Variants in XYLT1 observed in about 807,000 individuals in gnomAD.
The protein encoded by XYLT1 is xylosyltransferase 1.
In XYLT1, 36 loss-of-function variants were observed where a neutral mutation model predicts 91.3. The observed-to-expected ratio is 0.39, with a 90% CI of 0.30 to 0.52. The LOEUF (loss-of-function observed/expected upper bound fraction) is 0.52. Ranked by LOEUF, XYLT1 falls within the 20% of genes least tolerant of loss-of-function variation. The probability of loss-of-function intolerance (pLI) is 0.68; values close to 1 mark genes in which losing one functional copy is unlikely to be tolerated. For synonymous variants in XYLT1, 588 were observed against 532.0 expected, an observed-to-expected ratio of 1.11 and a Z score of -1.45; for missense variants, 1,242 against 1,284.5, an observed-to-expected ratio of 0.97 and a Z score of 0.51.
At chr16:17,335,908 C>G (rs1567380094) in intron 2 of XYLT1, among the ~76,000 whole-genome samples, 1 of 152,126 alleles carries the variant, frequency 6.6e-6, no homozygotes, top group Non-Finnish European at 1.5e-5. Context: ...GAAAAATAAA[C>G]AGAGAGCTAT....
intron 5 of XYLT1, among the ~76,000 whole-genome samples, chr16:17,192,036 C>G (rs2032320404): frequency 6.6e-6 from 1 of 151,878 alleles, no homozygotes; most frequent in East Asian, 1.9e-4. Context: ...TGATTTGCCC[C>G]AAGACACCGG....
intron 2 of XYLT1, among the ~76,000 whole-genome samples, chr16:17,297,140 A>C (rs913688168): frequency 2.0e-5 from 3 of 152,224 alleles, no homozygotes; most frequent in African/African-American, 7.2e-5. Context: ...GAGGTCTCAA[A>C]GGATAAAGCA....
intron 1 of XYLT1, among the ~76,000 whole-genome samples, chr16:17,370,432 G>A (rs1567396969): frequency 2.0e-5 from 3 of 152,222 alleles, no homozygotes; most frequent in African/African-American, 7.2e-5. Flanking sequence ...GTATTCAGGA[G>A]AGTAAGTGTT....
At chr16:17,263,910 T>G (rs570650115) in intron 2 of XYLT1, among the ~76,000 whole-genome samples, 2 of 152,240 alleles carry the variant, frequency 1.3e-5, no homozygotes, top group African/African-American at 4.8e-5. Context: ...GTTTTCACCA[T>G]GTTGGCCAGG....
At chr16:17,173,956 T>A (rs2031884282) in intron 5 of XYLT1, among the ~76,000 whole-genome samples, 1 of 152,146 alleles carries the variant, frequency 6.6e-6, no homozygotes, top group Admixed American at 6.5e-5. Flanking sequence ...CCTTGTTTTT[T>A]ATTTGGCTCT....
In XYLT1 at chr16:17,178,167, T is replaced by A. The variant is rs181802946; in HGVS notation, c.1290-19258A>T. On this transcript the variant is annotated intron_variant, in intron 5 of 11. Transcript: ENST00000261381. ...ACTGTCTGTGTGCAAACTGCCTGTC[T>A]CCTCTCGGCCGCCCCTGGTCAGGCA... is the stretch of plus-strand genomic sequence containing the variant. Among the ~76,000 whole-genome samples the A allele has an allele frequency of 2.0e-3, 304 of 152,200 alleles. 1 individual carries two copies. Among genetic ancestry groups the A allele is most frequent in the African/African-American group, 7.1e-3 (295 of 41,504 alleles).
chr16:17,209,640 C>T (rs1333664384), intron 3 of XYLT1, among the ~76,000 whole-genome samples: 2 of 152,192 alleles, frequency 1.3e-5, no homozygotes, highest in African/African-American at 4.8e-5. Flanking sequence ...CCCAGCCCTA[C>T]CATTTATTAG....
chr16:17,365,116 A>C (rs1400747580), intron 1 of XYLT1, among the ~76,000 whole-genome samples: 1 of 152,120 alleles, frequency 6.6e-6, no homozygotes, highest in Non-Finnish European at 1.5e-5. Context: ...ACCCCCAAGA[A>C]ATTTCCAGGA....
chr16:17,367,993 C>A (rs1023416982), intron 1 of XYLT1, among the ~76,000 whole-genome samples: 2 of 152,196 alleles, frequency 1.3e-5, no homozygotes, highest in Admixed American at 1.3e-4. Context: ...CCCTGCTTTT[C>A]TTCACTTCCT....
chr16:17,118,441 GATC>G (rs1160223341), intron 10 of XYLT1, among the ~76,000 whole-genome samples: 1 of 152,126 alleles, frequency 6.6e-6, no homozygotes, highest in Non-Finnish European at 1.5e-5. Flanking sequence ...CAAGAATAGA[GATC>G]ATGTTTTTAC....
At chr16:17,169,179 G>A (rs28653119) in intron 5 of XYLT1, among the ~76,000 whole-genome samples, 53,853 of 151,980 alleles carry the variant, frequency 0.35, 9,970 homozygotes, top group South Asian at 0.52. Context: ...AGGTCCCTGT[G>A]ATATGAAGTG....
At chr16:17,223,773 A>C (rs1239605088) in intron 3 of XYLT1, among the ~76,000 whole-genome samples, 2 of 152,198 alleles carry the variant, frequency 1.3e-5, no homozygotes, top group Non-Finnish European at 2.9e-5. Flanking sequence ...GTTCCAATAA[A>C]ATTTGACTTA....
chr16:17,234,336 C>A (rs1199756792), intron 3 of XYLT1, among the ~76,000 whole-genome samples: 1 of 152,198 alleles, frequency 6.6e-6, no homozygotes, highest in Non-Finnish European at 1.5e-5. Context: ...TCTTGCAAAT[C>A]TCTGGGCCTA....
chr16:17,357,929 C>G (rs2035324210), intron 2 of XYLT1, 83 bp downstream of exon 2: 2 of 1,506,128 alleles, frequency 1.3e-6, no homozygotes, highest in African/African-American at 1.4e-5. Flanking sequence ...GCCTGTCCAG[C>G]CTTTCAGAGC....
chr16:17,339,247 T>C (rs1025314175), intron 2 of XYLT1, among the ~76,000 whole-genome samples: 2 of 152,220 alleles, frequency 1.3e-5, no homozygotes, highest in African/African-American at 4.8e-5. Flanking sequence ...GCTGATGAAC[T>C]TGTACATATT....
intron 2 of XYLT1, among the ~76,000 whole-genome samples, chr16:17,303,182 T>G (rs2034422687): frequency 6.6e-6 from 1 of 152,208 alleles, no homozygotes; most frequent in African/African-American, 2.4e-5. Context: ...ATGACGTGGT[T>G]CCTGCCCTCA....
chr16:17,283,096 C>T (rs897625714), intron 2 of XYLT1, among the ~76,000 whole-genome samples: 2 of 152,010 alleles, frequency 1.3e-5, no homozygotes, highest in East Asian at 1.9e-4. Flanking sequence ...TCATCCAGCA[C>T]GAGTGGATGG....
chr16:17,241,773 T>G (rs1471738531), intron 3 of XYLT1, among the ~76,000 whole-genome samples: 1 of 152,210 alleles, frequency 6.6e-6, no homozygotes, highest in Non-Finnish European at 1.5e-5. Flanking sequence ...CTAGCCTATC[T>G]TCTGGAACTG....
At chr16:17,342,008 A>G (rs2035069554) in intron 2 of XYLT1, among the ~76,000 whole-genome samples, 1 of 152,114 alleles carries the variant, frequency 6.6e-6, no homozygotes, top group African/African-American at 2.4e-5. Context: ...CAGGGCAGCC[A>G]CCAATCCCAT....
Sources: gnomAD v4.1 joint callset for allele counts (sites outside exome capture counted in the v4.1 genomes callset) on GRCh38, gnomAD v4.1.1 for gene constraint, MANE v1.5 for transcripts, NCBI Gene and HGNC (gene_info 2026-07-23, HGNC 2026-07-21) for gene names.